Variants in SLC23A2 observed in about 807,000 individuals in gnomAD.
The protein encoded by SLC23A2 is Na(+)/L-ascorbic acid transporter 2.
SLC23A2 carries 36 observed loss-of-function variants against 73.3 expected under a neutral mutation model. The observed-to-expected ratio is 0.49, with a 90% CI of 0.38 to 0.65. The LOEUF is 0.65. Ranked by LOEUF, SLC23A2 falls within the 30% of genes least tolerant of loss-of-function variation. The probability of loss-of-function intolerance (pLI) is 0.00; values close to 1 mark genes in which losing one functional copy is unlikely to be tolerated. For synonymous variants in SLC23A2, 343 were observed against 327.3 expected, an observed-to-expected ratio of 1.05 and a Z score of -0.52; for missense variants, 507 against 841.6, an observed-to-expected ratio of 0.60 and a Z score of 4.92.
chr20:4,857,125 C>T lies in SLC23A2; in HGVS notation c.1800G>A (p.Ser600=), dbSNP rs768522527. The stretch of plus-strand genomic sequence containing the variant: ...TGTTCATGCCAAATGGCAAATTGTA[C>T]GACTCCATGCCGTCGAGTGATTTGT... The part of the protein sequence containing the change: ...KGNKSLDGME[S]YNLPFGMNII... Residue 600 remains serine (S), a synonymous_variant, in exon 17 of 17, where the codon TCG becomes TCA. Coordinates refer to ENST00000338244, the MANE Select transcript of SLC23A2 (RefSeq NM_005116.6). This position sits in a 1 kb window ranked among gnomAD's most constrained non-coding sequence, Gnocchi z 4.0. 24 of 1,613,986 alleles carry T rather than the reference C, an allele frequency of 1.5e-5. No homozygotes were observed. Among genetic ancestry groups the T allele is most frequent in the Middle Eastern group, 1.6e-4 (1 of 6,062 alleles).
At chr20:4,877,083 G>A (rs1016000602) in intron 9 of SLC23A2, among the ~76,000 whole-genome samples, 1 of 152,082 alleles carries the variant, frequency 6.6e-6, no homozygotes, top group Admixed American at 6.6e-5. Context: ...AATGGGTGCA[G>A]CACACCAACA....
At chr20:4,976,853 G>A (rs546174200) in intron 1 of SLC23A2, among the ~76,000 whole-genome samples, 2 of 152,066 alleles carry the variant, frequency 1.3e-5, no homozygotes, top group African/African-American at 4.8e-5. Flanking sequence ...ACGCCCGCCT[G>A]TAGTCCCAGC....
At chr20:4,896,375 A>T (rs1469761754) in intron 6 of SLC23A2, among the ~76,000 whole-genome samples, 1 of 152,140 alleles carries the variant, frequency 6.6e-6, no homozygotes, top group Non-Finnish European at 1.5e-5. Context: ...TCGGAGAGGA[A>T]GCAAGGGGTG....
intron 6 of SLC23A2, among the ~76,000 whole-genome samples, chr20:4,893,120 A>G (rs1387640641): frequency 6.6e-6 from 1 of 151,618 alleles, no homozygotes; most frequent in Non-Finnish European, 1.5e-5. Flanking sequence ...GCTGGAATGC[A>G]GTGGCGTGAT....
rs144002883 is a variant in SLC23A2, at chr20:4,862,785, C to A, written c.1479G>T (p.Thr493=). ...PDPVLGALFC[T]LFGMITAVGL... ...CAGAGAGGGGAGTCTTACCAAAGAG[C>A]GTGCAGAACAGGGCTCCCAGCACAG... The change falls in exon 14 of 17, where the codon ACG becomes ACT. Residue 493 remains threonine (T), a synonymous_variant. Coordinates refer to ENST00000338244, the MANE Select transcript of SLC23A2 (RefSeq NM_005116.6). The surrounding 1 kb of genome is among the most constrained non-coding windows in gnomAD (Gnocchi z 5.1). 1 of 1,612,378 alleles carries A rather than the reference C, an allele frequency of 6.2e-7. No homozygotes were observed. The highest frequency in any genetic ancestry group is 1.7e-5 in the Admixed American group (1 of 59,918).
At chr20:5,006,296 A>G (rs1056783125), upstream of SLC23A2, among the ~76,000 whole-genome samples, 1 of 151,718 alleles carries the variant, frequency 6.6e-6, no homozygotes, top group Non-Finnish European at 1.5e-5. Flanking sequence ...ACAGGGTTTC[A>G]CCATCTTGGC....
intron 2 of SLC23A2, among the ~76,000 whole-genome samples, chr20:4,951,494 G>A (rs182917635): frequency 3.9e-5 from 6 of 152,246 alleles, no homozygotes; most frequent in Admixed American, 3.9e-4. Context: ...ACTCATCAGT[G>A]CCTCTCAAGC....
In SLC23A2 at chr20:4,857,931, AAAAACAAAAC is replaced by A. The variant is rs371232184; in HGVS notation, c.1721-737_1721-728del. ...GGGCAACAGAGCAAGACTCTGTCTTAAAAACAAAACAAAACAAAACAAAACAAACAACAAA... is the reference window on the plus strand; with the variant it reads ...GGGCAACAGAGCAAGACTCTGTCTTAAAAACAAAACAAAACAAACAACAAA... On this transcript the variant is annotated intron_variant, in intron 16 of 16. Transcript: ENST00000338244. This position sits in a 1 kb window ranked among gnomAD's most constrained non-coding sequence, Gnocchi z 4.0. 0.025 allele frequency among the ~76,000 whole-genome samples: 3,844 copies of A among 152,002 alleles called. 176 individuals are homozygous for A. The highest frequency in any genetic ancestry group is 0.088 in the African/African-American group (3,624 of 41,396).
At chr20:4,963,303 T>A (rs573356334) in intron 2 of SLC23A2, among the ~76,000 whole-genome samples, 1 of 152,262 alleles carries the variant, frequency 6.6e-6, no homozygotes, top group South Asian at 2.1e-4. Flanking sequence ...TCTGGGTCTA[T>A]CCAGTTCCTA....
At chr20:4,938,752 G>A (rs1408097096) in intron 2 of SLC23A2, among the ~76,000 whole-genome samples, 1 of 152,184 alleles carries the variant, frequency 6.6e-6, no homozygotes, top group East Asian at 1.9e-4. Flanking sequence ...TTCACAAGAG[G>A]TGACTATGGG....
intron 16 of SLC23A2, 25 bp downstream of exon 16, chr20:4,859,264 A>AT: frequency 7.4e-7 from 1 of 1,345,098 alleles, no homozygotes; most frequent in Non-Finnish European, 1.0e-6. Context: ...AAAAAAAAAA[A>AT]GTGTGTTTGA....
chr20:4,887,571 G>T (rs995274542), intron 6 of SLC23A2, among the ~76,000 whole-genome samples: 6 of 152,236 alleles, frequency 3.9e-5, no homozygotes, highest in African/African-American at 1.4e-4. Context: ...GCCTGAACCT[G>T]ACCTTGGCAT....
chr20:4,941,495 G>C (rs1451965127), intron 2 of SLC23A2, among the ~76,000 whole-genome samples: 1 of 152,062 alleles, frequency 6.6e-6, no homozygotes, highest in African/African-American at 2.4e-5. Flanking sequence ...CTGAGGTCAG[G>C]AGTTCGAAAC....
chr20:5,005,873 C>T (rs183011229), upstream of SLC23A2, among the ~76,000 whole-genome samples: 1 of 152,000 alleles, frequency 6.6e-6, no homozygotes, highest in East Asian at 2.0e-4. Context: ...GTAGTCCCAG[C>T]TACTTGGGAG....
Position 4,872,297 on chromosome 20 carries a change from C to T in SLC23A2, c.1102+1639G>A, listed in dbSNP as rs1423988060. 6.7e-6 allele frequency among the ~76,000 whole-genome samples: 1 copy of T among 150,054 alleles called. No individual in the cohort carries two copies. The highest frequency in any genetic ancestry group is 2.5e-5 in the African/African-American group (1 of 40,272). On this transcript the variant is annotated intron_variant, in intron 11 of 16. Transcript: ENST00000338244. The surrounding 1 kb of genome is among the most constrained non-coding windows in gnomAD (Gnocchi z 4.4). ...TGTATACAGTAGTACGACTATATCC[C>T]TGGAGGTGGCTTTCTAGCTATGGAG...
At chr20:4,993,472 G>A (rs947136674) in intron 1 of SLC23A2, among the ~76,000 whole-genome samples, 10 of 147,116 alleles carry the variant, frequency 6.8e-5, no homozygotes, top group South Asian at 2.1e-4. Context: ...TAAGCACTTC[G>A]GAGAAGGTAT....
At chr20:4,944,681 C>G (rs111806610) in intron 2 of SLC23A2, among the ~76,000 whole-genome samples, 1 of 152,164 alleles carries the variant, frequency 6.6e-6, no homozygotes, top group African/African-American at 2.4e-5. Flanking sequence ...AAGAATATGA[C>G]TAAGAAGGAG....
chr20:4,983,855 C>T (rs1423597938), intron 1 of SLC23A2, among the ~76,000 whole-genome samples: 1 of 151,212 alleles, frequency 6.6e-6, no homozygotes, highest in African/African-American at 2.4e-5. Context: ...ATTCGGGAGG[C>T]TGAGGCAGGA....
intron 15 of SLC23A2, 128 bp from the exon 16 acceptor site, chr20:4,859,512 T>C (rs1929874304): frequency 1.4e-6 from 1 of 701,784 alleles, no homozygotes; most frequent in African/African-American, 1.8e-5. Flanking sequence ...TGTACATTTC[T>C]TAGTTGTGCA....
Sources: allele counts gnomAD v4.1 joint callset (sites outside exome capture counted in the v4.1 genomes callset), GRCh38; gene constraint gnomAD v4.1.1; non-coding constraint Gnocchi (gnomAD v3.1); transcripts MANE v1.5; gene names NCBI Gene and HGNC (gene_info 2026-07-23, HGNC 2026-07-21).